CDH23: variants seen among roughly 807,000 people sequenced by gnomAD.
CDH23 encodes cadherin-23.
A neutral mutation model predicts 317.1 loss-of-function variants in CDH23; 189 were observed. The ratio of observed to expected loss-of-function variants is 0.60; its 90% confidence interval spans 0.53 to 0.67. CDH23 has a LOEUF of 0.67. Ranked by LOEUF, CDH23 falls within the 30% of genes least tolerant of loss-of-function variation. CDH23 has a pLI of 0.00. For missense variants in CDH23, 4,401 were observed against 4,592.4 expected, an observed-to-expected ratio of 0.96 and a Z score of 1.20; for synonymous variants, 1,839 against 1,876.8, an observed-to-expected ratio of 0.98 and a Z score of 0.52.
At chr10:71,762,120 C>A in intron 38 of CDH23, 1 of 1,387,880 alleles carries the variant, frequency 7.2e-7, no homozygotes, top group Non-Finnish European at 9.5e-7. Context: ...CTGCTACTTC[C>A]CAGCCACAGG....
intron 11 of CDH23, among the ~76,000 whole-genome samples, chr10:71,643,559 G>C (rs1862670849): frequency 6.6e-6 from 1 of 151,134 alleles, no homozygotes; most frequent in Admixed American, 6.6e-5. Flanking sequence ...AGGAGCCCTT[G>C]CCCCCCCCTC....
At chr10:71,731,686 A>G (rs1839390757) in intron 31 of CDH23, among the ~76,000 whole-genome samples, 1 of 152,148 alleles carries the variant, frequency 6.6e-6, no homozygotes, top group African/African-American at 2.4e-5. Flanking sequence ...TCCAGATATC[A>G]AAGGGAGGTA....
chr10:71,722,480 C>T (rs1326076789), intron 28 of CDH23, among the ~76,000 whole-genome samples: 1 of 152,210 alleles, frequency 6.6e-6, no homozygotes, highest in Non-Finnish European at 1.5e-5. Context: ...GTTCCTCTCC[C>T]TGGAGCTCTG....
intron 3 of CDH23, among the ~76,000 whole-genome samples, chr10:71,481,498 G>A (rs1317797716): frequency 6.6e-6 from 1 of 152,172 alleles, no homozygotes; most frequent in Non-Finnish European, 1.5e-5. Flanking sequence ...CTCTTCTCAG[G>A]GTGCACGTGA....
At chr10:71,500,784 CT>C (rs1455807402) in intron 3 of CDH23, among the ~76,000 whole-genome samples, 1 of 146,382 alleles carries the variant, frequency 6.8e-6, no homozygotes, top group Non-Finnish European at 1.5e-5. Flanking sequence ...CTTTTCTTTT[CT>C]TTTCTTTTCT....
At chr10:71,563,199 A>T (rs1226975922) in intron 6 of CDH23, among the ~76,000 whole-genome samples, 1 of 152,184 alleles carries the variant, frequency 6.6e-6, no homozygotes, top group Non-Finnish European at 1.5e-5. Context: ...AGCAAGGCAC[A>T]TCCCCTCTCT....
At chr10:71,787,171 C>A (rs1412277961) in intron 44 of CDH23, among the ~76,000 whole-genome samples, 1 of 152,178 alleles carries the variant, frequency 6.6e-6, no homozygotes, top group African/African-American at 2.4e-5. Flanking sequence ...AGGATTCAAT[C>A]CCATTTGCCA....
chr10:71,517,945 G>A (rs1382712721), intron 6 of CDH23, among the ~76,000 whole-genome samples: 1 of 152,108 alleles, frequency 6.6e-6, no homozygotes, highest in African/African-American at 2.4e-5. Context: ...GCTCTCTTGC[G>A]GCAGGCAGAT....
intron 6 of CDH23, among the ~76,000 whole-genome samples, chr10:71,515,275 C>T (rs957691733): frequency 2.3e-4 from 35 of 151,806 alleles, no homozygotes; most frequent in Admixed American, 2.0e-3. Flanking sequence ...ACTTATTTTT[C>T]GGTATTCTCT....
chr10:71,798,513 T>G lies in CDH23; in HGVS notation c.6989T>G (p.Leu2330Arg), dbSNP rs1240639431. The change falls in exon 50 of 70, where the codon CTG (leucine) becomes CGG (arginine). Residue 2330 changes from leucine to arginine, a missense_variant. Leu to Arg is a moderately radical substitution (Grantham distance 102). Coordinates refer to ENST00000224721, the MANE Select transcript of CDH23 (RefSeq NM_022124.6). The part of the protein sequence containing the change: ...AVDPDKGLNG[L>R]VTYTLLDLVP... ...GACCCTGACAAGGGCCTTAATGGGC[T>G]GGTCACCTACACCCTGCTGGACCTG... is the stretch of plus-strand genomic sequence containing the variant. The G allele has an allele frequency of 3.1e-6, 5 of 1,613,922 alleles. No individual in the cohort carries two copies. Among genetic ancestry groups the G allele is most frequent in the Non-Finnish European group, 4.2e-6 (5 of 1,179,830 alleles).
intron 3 of CDH23, among the ~76,000 whole-genome samples, chr10:71,477,327 C>A (rs1851845089): frequency 6.6e-6 from 1 of 152,200 alleles, no homozygotes; most frequent in Non-Finnish European, 1.5e-5. Context: ...TGCCACCATG[C>A]CCGGCTAATT....
chr10:71,634,448 C>G (rs1862165936), intron 11 of CDH23, among the ~76,000 whole-genome samples: 1 of 152,212 alleles, frequency 6.6e-6, no homozygotes, highest in East Asian at 1.9e-4. Flanking sequence ...GGGATTGAGG[C>G]CAGGTAGAGT....
At chr10:71,732,732 T>C (rs1589383208) in intron 32 of CDH23, 3 of 1,161,332 alleles carry the variant, frequency 2.6e-6, no homozygotes, top group Non-Finnish European at 3.2e-6. Context: ...TGCAGGCTGG[T>C]ATCCTTCTGT....
chr10:71,535,148 G>A (rs1473846587), intron 6 of CDH23, among the ~76,000 whole-genome samples: 1 of 152,240 alleles, frequency 6.6e-6, no homozygotes, highest in Non-Finnish European at 1.5e-5. Context: ...GGTTTATGGA[G>A]CAGGAGAAAG....
intron 6 of CDH23, among the ~76,000 whole-genome samples, chr10:71,523,580 C>G (rs115989018): frequency 6.6e-6 from 1 of 152,084 alleles, no homozygotes; most frequent in Non-Finnish European, 1.5e-5. Context: ...AGGCACGGGT[C>G]GGAGCCAGCA....
chr10:71,513,070 G>T (rs190301710), intron 6 of CDH23, among the ~76,000 whole-genome samples: 1 of 152,322 alleles, frequency 6.6e-6, no homozygotes, highest in Admixed American at 6.5e-5. Flanking sequence ...TGGCCTGCAT[G>T]ATACCCATCT....
chr10:71,814,713 T>TACAC lies in CDH23; in HGVS notation c.9739-219_9739-216dup, dbSNP rs34475820. ...ACACACAATTTTCACAAGAAGCCGA[T>TACAC]ACACACACACACACACACACACAGA... On this transcript the variant is annotated intron_variant, in intron 69 of 69. Transcript: ENST00000224721. Among the ~76,000 whole-genome samples, 991 of 146,976 alleles carry TACAC rather than the reference T, an allele frequency of 6.7e-3. 6 individuals are homozygous for TACAC. Among genetic ancestry groups the TACAC allele is most frequent in the South Asian group, 0.015 (69 of 4,566 alleles).
At chr10:71,628,147 C>T (rs1861836900) in intron 11 of CDH23, among the ~76,000 whole-genome samples, 1 of 152,208 alleles carries the variant, frequency 6.6e-6, no homozygotes. Flanking sequence ...CTCACCCCAT[C>T]GCCATCATGG....
intron 17 of CDH23, among the ~76,000 whole-genome samples, chr10:71,680,915 G>T (rs1248848388): frequency 8.0e-6 from 1 of 125,476 alleles, no homozygotes; most frequent in Non-Finnish European, 1.6e-5. Context: ...TGCAACCTCC[G>T]CCTTGTGGGT....
Sources: allele counts gnomAD v4.1 joint callset (sites outside exome capture counted in the v4.1 genomes callset), GRCh38; gene constraint gnomAD v4.1.1; transcripts MANE v1.5; gene names NCBI Gene and HGNC (gene_info 2026-07-23, HGNC 2026-07-21).